The following CYP2J2 variants were observed in gnomAD, a reference collection of about 807,000 sequenced individuals.
CYP2J2 encodes cytochrome P450 2J2.
In CYP2J2, 41 loss-of-function variants were observed where a neutral mutation model predicts 48.8. The observed-to-expected ratio is 0.84, with a 90% CI of 0.66 to 1.09. The LOEUF (loss-of-function observed/expected upper bound fraction) is 1.09. CYP2J2 is among the 50% of genes least tolerant of loss of function. The pLI is 0.00. For missense variants in CYP2J2, 644 were observed against 617.3 expected, an observed-to-expected ratio of 1.04 and a Z score of -0.46; for synonymous variants, 221 against 227.1, an observed-to-expected ratio of 0.97 and a Z score of 0.24.
At chr1:59,919,173 G>A (rs1165230281) in intron 1 of CYP2J2, among the ~76,000 whole-genome samples, 1 of 152,104 alleles carries the variant, frequency 6.6e-6, no homozygotes, top group African/African-American at 2.4e-5. Flanking sequence ...GATCCTAAGA[G>A]GCACAAAAAT....
the CYP2J2 span, among the ~76,000 whole-genome samples, chr1:59,945,856 G>C: frequency 1.3e-5 from 2 of 152,182 alleles, no homozygotes; most frequent in Non-Finnish European, 2.9e-5. Flanking sequence ...TATACTTCAA[G>C]TGTTAATTGG....
At position 59,893,505 on chromosome 1, in the gene CYP2J2, G is replaced by A. The variant is rs1644241335; in HGVS notation, c.*146C>T. 4 of 561,224 alleles carry A rather than the reference G, an allele frequency of 7.1e-6. No individual in the cohort carries two copies. In the South Asian group the frequency reaches 1.3e-4, roughly 18 times the overall value. The allele number at this position is 561,224 out of a possible 1,614,324, so 34.8% of individuals were successfully genotyped here. A position where few individuals can be genotyped will look rare whatever the true frequency, so the allele number is the denominator to read the frequency against. ...GGACGAGACAGTAGAGCTGGGATTTGGATCTAGTTTTCTCTGAGTCAAATT... is the reference window on the plus strand; with the variant it reads ...GGACGAGACAGTAGAGCTGGGATTTAGATCTAGTTTTCTCTGAGTCAAATT... On this transcript the variant is annotated 3_prime_UTR_variant, in exon 9 of 9. Coordinates refer to ENST00000371204, the MANE Select transcript of CYP2J2 (RefSeq NM_000775.4).
the CYP2J2 span, among the ~76,000 whole-genome samples, chr1:59,957,379 A>G: frequency 6.6e-6 from 1 of 152,108 alleles, no homozygotes; most frequent in Non-Finnish European, 1.5e-5. Context: ...TATATTGTAA[A>G]CAAGTCATCC....
At chr1:59,955,252 CCATATATATATCCATA>C in the CYP2J2 span, among the ~76,000 whole-genome samples, 1 of 79,268 alleles carries the variant, frequency 1.3e-5, no homozygotes, top group Admixed American at 1.1e-4. Context: ...ATATATATAT[CCATATATATATCCATA>C]TATATATATC....
At chr1:59,914,030 T>G (rs1333770517) in intron 2 of CYP2J2, among the ~76,000 whole-genome samples, 1 of 152,218 alleles carries the variant, frequency 6.6e-6, no homozygotes, top group African/African-American at 2.4e-5. Context: ...TTTCAGGGGC[T>G]TTTCATTTTC....
the CYP2J2 span, among the ~76,000 whole-genome samples, chr1:59,940,490 C>T: frequency 9.6e-4 from 146 of 152,186 alleles, no homozygotes; most frequent in Middle Eastern, 3.4e-3. Context: ...CTTTTAATGG[C>T]GAAAACTGCA....
At chr1:59,896,273 T>G (rs1178494758) in intron 8 of CYP2J2, among the ~76,000 whole-genome samples, 1 of 151,368 alleles carries the variant, frequency 6.6e-6, no homozygotes, top group Admixed American at 6.6e-5. Context: ...TGTGGGTATA[T>G]GTCCAAAAGT....
chr1:59,893,809 C>T lies in CYP2J2; in HGVS notation c.1351G>A (p.Glu451Lys), dbSNP rs1644245761. 2 of 1,605,970 alleles carry T rather than the reference C, an allele frequency of 1.2e-6. No homozygotes were observed. The highest frequency in any genetic ancestry group is 1.3e-5 in the African/African-American group (1 of 74,570). Residue 451 changes from glutamate (E) to lysine (K), a missense_variant, in exon 9 of 9, where the codon GAA becomes AAA. Coordinates refer to ENST00000371204, the MANE Select transcript of CYP2J2 (RefSeq NM_000775.4). ...AACAGCTCAGTCCTGGCCAACTGTT[C>T]TCCGAGGCATGCCCGCTTTCCTGTA... is the stretch of plus-strand genomic sequence containing the variant. ...FSIGKRACLG[E>K]QLARTELFIF...
the CYP2J2 span, among the ~76,000 whole-genome samples, chr1:59,935,604 T>C: frequency 6.6e-6 from 1 of 151,978 alleles, no homozygotes; most frequent in Non-Finnish European, 1.5e-5. Flanking sequence ...AAAAGAGAAA[T>C]AGTTATATAT....
the CYP2J2 span, among the ~76,000 whole-genome samples, chr1:59,934,825 A>C: frequency 1.3e-5 from 2 of 151,268 alleles, no homozygotes; most frequent in African/African-American, 4.8e-5. Context: ...TAGGATTACC[A>C]TATGACCCAG....
chr1:59,952,911 C>T, the CYP2J2 span, among the ~76,000 whole-genome samples: 12 of 152,220 alleles, frequency 7.9e-5, no homozygotes, highest in African/African-American at 1.7e-4. Flanking sequence ...ATGAATGGTT[C>T]GCTTTGCTTT....
chr1:59,958,182 A>T, the CYP2J2 span, among the ~76,000 whole-genome samples: 1 of 152,132 alleles, frequency 6.6e-6, no homozygotes, highest in Non-Finnish European at 1.5e-5. Flanking sequence ...TACTCTGAAC[A>T]CTGTCCCCAG....
the CYP2J2 span, among the ~76,000 whole-genome samples, chr1:59,939,792 A>C: frequency 1.4e-4 from 22 of 152,142 alleles, no homozygotes; most frequent in African/African-American, 5.3e-4. Flanking sequence ...AAACCACGAG[A>C]CATAGCTCTT....
chr1:59,957,681 GACACACAC>G, the CYP2J2 span, among the ~76,000 whole-genome samples: 6 of 137,244 alleles, frequency 4.4e-5, no homozygotes, highest in Admixed American at 1.4e-4. Flanking sequence ...CAGACACACA[GACACACAC>G]ACACACACAC....
upstream of CYP2J2, among the ~76,000 whole-genome samples, chr1:59,927,765 G>T (rs1369891277): frequency 6.6e-6 from 1 of 152,042 alleles, no homozygotes; most frequent in African/African-American, 2.4e-5. Context: ...TACAGATGGG[G>T]TTTCGCCGTG....
chr1:59,911,819 T>C, intron 3 of CYP2J2, 51 bp from the exon 4 acceptor site: 1 of 1,566,036 alleles, frequency 6.4e-7, no homozygotes, highest in Non-Finnish European at 8.7e-7. Context: ...TTTGTCTCCA[T>C]TTCCTACTGA....
intron 8 of CYP2J2, among the ~76,000 whole-genome samples, chr1:59,895,099 C>T (rs1325990616): frequency 6.6e-6 from 1 of 152,184 alleles, no homozygotes; most frequent in Non-Finnish European, 1.5e-5. Context: ...CAAAATGCAA[C>T]CATCCAAGCC....
the CYP2J2 span, among the ~76,000 whole-genome samples, chr1:59,962,917 TTTTG>T: frequency 1.3e-5 from 2 of 152,210 alleles, no homozygotes; most frequent in African/African-American, 4.8e-5. Flanking sequence ...TTCTGAATGC[TTTTG>T]TTTTTCTCAA....
intron 8 of CYP2J2, among the ~76,000 whole-genome samples, chr1:59,896,614 A>G (rs1274189715): frequency 6.6e-6 from 1 of 151,782 alleles, no homozygotes; most frequent in Non-Finnish European, 1.5e-5. Context: ...TGAGGCCAGC[A>G]CTCAGCTTCC....
Sources: gnomAD v4.1 joint callset for allele counts (sites outside exome capture counted in the v4.1 genomes callset) on GRCh38, gnomAD v4.1.1 for gene constraint, MANE v1.5 for transcripts, NCBI Gene and HGNC (gene_info 2026-07-23, HGNC 2026-07-21) for gene names.